Variants in COX6C observed in about 807,000 individuals in gnomAD.
COX6C encodes cytochrome c oxidase polypeptide VIc.
Under a neutral mutation model 6.9 loss-of-function variants are expected in COX6C, and 3 were observed. That is an observed-to-expected ratio of 0.43 (90% CI 0.20 to 1.12). The LOEUF is 1.12. Among genes scored for constraint, COX6C ranks in the 50% most tolerant of loss-of-function variants. The pLI, the probability that COX6C is intolerant of heterozygous loss-of-function variation, is 0.27. For synonymous variants in COX6C, 32 were observed against 32.0 expected (o/e 1.00, Z 0.00); for missense variants, 101 against 97.3 (o/e 1.04, Z -0.16).
At chr8:99,892,178 TG>T (rs968522478) in intron 1 of COX6C, 126 bp from the exon 2 acceptor site, 1 of 594,538 alleles carries the variant, frequency 1.7e-6, no homozygotes, top group Non-Finnish European at 2.9e-6. Context: ...CAGTTACAAA[TG>T]AATGTTTTTC....
chr8:99,883,678 C>G (rs957916534), intron 3 of COX6C, among the ~76,000 whole-genome samples: 2 of 152,030 alleles, frequency 1.3e-5, no homozygotes, highest in Non-Finnish European at 2.9e-5. Context: ...CACATTCATT[C>G]TATAAGGCCA....
chr8:99,881,859 G>A (rs1239963308), intron 3 of COX6C, among the ~76,000 whole-genome samples: 1 of 152,176 alleles, frequency 6.6e-6, no homozygotes, highest in Non-Finnish European at 1.5e-5. Flanking sequence ...GAGACTCACT[G>A]TAGATCTAAG....
chr8:99,881,050 A>G (rs959959168), intron 3 of COX6C, among the ~76,000 whole-genome samples: 2 of 152,190 alleles, frequency 1.3e-5, no homozygotes, highest in Non-Finnish European at 2.9e-5. Context: ...GGCAAAGAAC[A>G]TAGAAGCTTA....
intron 2 of COX6C, among the ~76,000 whole-genome samples, chr8:99,889,974 G>A (rs1269607064): frequency 6.6e-6 from 1 of 151,790 alleles, no homozygotes; most frequent in African/African-American, 2.4e-5. Context: ...GACGCCTGTA[G>A]TCCCAGCTAC....
intron 3 of COX6C, chr8:99,886,440 A>G (rs1817944026): frequency 6.6e-6 from 1 of 152,038 alleles, no homozygotes; most frequent in Admixed American, 6.6e-5. Context: ...AAAATGGTGC[A>G]GCCACTATGG....
At chr8:99,880,247 G>A (rs745473611) in intron 3 of COX6C, among the ~76,000 whole-genome samples, 9 of 152,070 alleles carry the variant, frequency 5.9e-5, no homozygotes, top group South Asian at 2.1e-4. Context: ...AGGGAAACAC[G>A]GACGATTGAA....
At chr8:99,889,951 G>A (rs909353079) in intron 2 of COX6C, among the ~76,000 whole-genome samples, 3 of 151,816 alleles carry the variant, frequency 2.0e-5, no homozygotes, top group Non-Finnish European at 4.4e-5. Context: ...AAAATTAGCC[G>A]GGTGTGGTGG....
intron 3 of COX6C, among the ~76,000 whole-genome samples, chr8:99,880,364 G>A (rs1253755405): frequency 1.3e-5 from 2 of 152,182 alleles, no homozygotes; most frequent in African/African-American, 4.8e-5. Flanking sequence ...CTAAAGGAGA[G>A]TGTGGACAAC....
Position 99,891,964 on chromosome 8 carries a change from G to GC in COX6C, c.57dup (p.Arg20AlafsTer19). The GC allele has an allele frequency of 1.9e-6, 3 of 1,614,004 alleles. No homozygotes were observed. Among genetic ancestry groups the GC allele is most frequent in the Non-Finnish European group, 2.5e-6 (3 of 1,180,010 alleles). On this transcript the variant is annotated frameshift_variant, in exon 2 of 4. Transcript: ENST00000520468. LOFTEE classifies it high-confidence loss of function. ...ACGAATGCTACAGCCATATGATTTC[G>GC]CAGACGCCTGGCCAGAAGGCCACGC...
chr8:99,885,246 T>C (rs1461590571), intron 3 of COX6C, among the ~76,000 whole-genome samples: 1 of 152,224 alleles, frequency 6.6e-6, no homozygotes, highest in African/African-American at 2.4e-5. Context: ...CTTTTATTAC[T>C]ATACACTACA....
chr8:99,889,696 CA>C (rs1297566464), intron 2 of COX6C, among the ~76,000 whole-genome samples: 1 of 151,882 alleles, frequency 6.6e-6, no homozygotes, highest in Non-Finnish European at 1.5e-5. Flanking sequence ...CCTCGCCTCC[CA>C]ATCTTGGCTG....
chr8:99,893,503 A>G (rs918735544), intron 1 of COX6C, 136 bp downstream of exon 1: 1 of 152,276 alleles, frequency 6.6e-6, no homozygotes. Context: ...GAGAGAGTAG[A>G]TGCGGGAGAG....
chr8:99,888,098 TAAAAAATAAA>T (rs1160649475), intron 2 of COX6C, among the ~76,000 whole-genome samples: 1 of 124,088 alleles, frequency 8.1e-6, no homozygotes, highest in Non-Finnish European at 1.8e-5. Context: ...CTCAAAAAAA[TAAAAAATAAA>T]AAAAAATAAA....
At chr8:99,880,857 T>C (rs1817851667) in intron 3 of COX6C, among the ~76,000 whole-genome samples, 1 of 151,860 alleles carries the variant, frequency 6.6e-6, no homozygotes, top group African/African-American at 2.4e-5. Context: ...CACCTGTCAA[T>C]TGAGAATAAT....
intron 3 of COX6C, among the ~76,000 whole-genome samples, chr8:99,884,484 TTA>T (rs1386218063): frequency 7.2e-5 from 11 of 152,100 alleles, no homozygotes; most frequent in Non-Finnish European, 1.3e-4. Flanking sequence ...GCTAAAAAAA[TTA>T]GCAAATCTCA....
At chr8:99,880,578 T>C (rs539844213) in intron 3 of COX6C, among the ~76,000 whole-genome samples, 1 of 152,196 alleles carries the variant, frequency 6.6e-6, no homozygotes, top group African/African-American at 2.4e-5. Context: ...TTTGAAGTTA[T>C]CAAGTCTGAA....
intron 3 of COX6C, among the ~76,000 whole-genome samples, chr8:99,879,780 C>G (rs1190953861): frequency 6.6e-6 from 1 of 152,172 alleles, no homozygotes; most frequent in Non-Finnish European, 1.5e-5. Context: ...TTGTGTGGAG[C>G]TGCCCAAGGG....
At chr8:99,886,557 G>C (rs568396024) in intron 3 of COX6C, among the ~76,000 whole-genome samples, 3 of 152,122 alleles carry the variant, frequency 2.0e-5, no homozygotes, top group East Asian at 1.9e-4. Flanking sequence ...AGGAATATTT[G>C]CATGCCTAGG....
intron 1 of COX6C, chr8:99,893,418 C>T (rs1818088305): frequency 6.6e-6 from 1 of 152,316 alleles, no homozygotes; most frequent in Non-Finnish European, 1.5e-5. Flanking sequence ...GCCCACCCGG[C>T]TTCGGTGGGG....
Sources: allele counts gnomAD v4.1 joint callset (sites outside exome capture counted in the v4.1 genomes callset), GRCh38; gene constraint gnomAD v4.1.1; transcripts MANE v1.5; gene names NCBI Gene and HGNC (gene_info 2026-07-23, HGNC 2026-07-21).